Variants in GDPD4 observed in about 807,000 individuals in gnomAD.
GDPD4 encodes glycerophosphodiester phosphodiesterase 6.
Under a neutral mutation model 67.8 loss-of-function variants are expected in GDPD4, and 60 were observed. That is an observed-to-expected ratio of 0.88 (90% CI 0.72 to 1.10). The LOEUF is 1.10. Ranked by LOEUF, GDPD4 falls within the 50% of genes least tolerant of loss-of-function variation. The pLI is 0.00. For missense variants in GDPD4, 623 were observed against 613.9 expected (o/e 1.01, Z -0.16); for synonymous variants, 212 against 210.9 (o/e 1.00, Z -0.04).
rs572965964 is a variant in GDPD4, at chr11:77,216,765, T to C, written c.*512A>G. On this transcript the variant is annotated 3_prime_UTR_variant, in exon 17 of 17. Transcript: ENST00000315938. ...CCTCCGTGGCCCTTCTGTGTGCCTT[T>C]ATCAACCACTCCCCACCATCACCAC... The C allele has an allele frequency of 7.8e-5, 47 of 600,920 alleles. No homozygotes were observed. The South Asian group carries it at 9.2e-4, about 12-fold the overall frequency. 37.2% of individuals were successfully genotyped at this position (600,920 alleles called of 1,614,324 possible).
chr11:77,234,673 G>T (rs138967391), intron 13 of GDPD4, among the ~76,000 whole-genome samples: 366 of 152,222 alleles, frequency 2.4e-3, no homozygotes, highest in African/African-American at 7.8e-3. Flanking sequence ...CAAAGGACAT[G>T]ATTTCATTCT....
At position 77,268,522 on chromosome 11, in the gene GDPD4, G is replaced by A. The variant is rs745311185; in HGVS notation, c.642C>T (p.Thr214=). 3.8e-5 allele frequency: 62 copies of A among 1,612,054 alleles called. No homozygotes were observed. Among genetic ancestry groups the A allele is most frequent in the Admixed American group, 1.0e-4 (6 of 59,978 alleles). ...RGAPMLGPEN[T]MMSFEKAVEH... is the part of the protein sequence containing the mutation. ...CAACAGCTTTCTCAAAGGACATCAT[G>A]GTATTCTCAGGCCCCAACTGTAGAA... is the stretch of plus-strand genomic sequence containing the variant. The change falls in exon 10 of 17, where the codon ACC becomes ACT. Residue 214 remains threonine (T), a synonymous_variant. Coordinates refer to ENST00000315938, the MANE Select transcript of GDPD4 (RefSeq NM_182833.3).
chr11:77,217,517 TCTA>T (rs10597069), intron 16 of GDPD4, among the ~76,000 whole-genome samples: 137,723 of 152,040 alleles, frequency 0.91, 62,690 homozygotes, highest in Non-Finnish European at 0.96. Context: ...GGCTTAAGAG[TCTA>T]CTACTGCATG....
chr11:77,236,225 G>A (rs1958566052), intron 13 of GDPD4, among the ~76,000 whole-genome samples: 1 of 151,126 alleles, frequency 6.6e-6, no homozygotes, highest in Non-Finnish European at 1.5e-5. Flanking sequence ...GGGTACATGT[G>A]CACAACGTGC....
In GDPD4 at chr11:77,243,560, G is replaced by C. The variant is rs374536694; in HGVS notation, c.1241+134C>G. The C allele has an allele frequency of 3.9e-6, 3 of 760,780 alleles. No homozygotes were observed. The African/African-American group carries it at 5.3e-5, about 13-fold the overall frequency. The allele number at this position is 760,780 out of a possible 1,614,324, so 47.1% of individuals were successfully genotyped here. A position where few individuals can be genotyped will look rare whatever the true frequency, so the allele number is the denominator to read the frequency against. On this transcript the variant is annotated intron_variant, in intron 13 of 16. Coordinates refer to ENST00000315938, the MANE Select transcript of GDPD4 (RefSeq NM_182833.3). ...GGGAGGGAGGAAGGGGTAGGAAAAA[G>C]AAAGGAGATTCAAAGGAGATAACCA...
In GDPD4 at chr11:77,229,685, ATC is replaced by A. The variant is rs542883516; in HGVS notation, c.1390-455_1390-454del. On this transcript the variant is annotated intron_variant, in intron 14 of 16. Transcript: ENST00000315938. ...CTCACTAGACACCTAAGGAATGAGA[ATC>A]TCTGCATTTTTAACACATTCCCAGG... 5.9e-3 allele frequency among the ~76,000 whole-genome samples: 898 copies of A among 152,358 alleles called. 12 individuals carry two copies. The highest frequency in any genetic ancestry group is 0.021 in the African/African-American group (863 of 41,576).
intron 1 of GDPD4, among the ~76,000 whole-genome samples, chr11:77,293,663 A>G (rs1937855504): frequency 2.0e-5 from 3 of 152,218 alleles, no homozygotes; most frequent in Admixed American, 2.0e-4. Context: ...AAATAGATAC[A>G]TAAAATACTT....
chr11:77,278,064 C>G (rs1959575097), intron 4 of GDPD4, among the ~76,000 whole-genome samples: 2 of 152,028 alleles, frequency 1.3e-5, no homozygotes, highest in African/African-American at 4.8e-5. Context: ...GTTTCTTAAT[C>G]CTGAGTTCTA....
At chr11:77,250,412 C>T (rs1199106877) in intron 11 of GDPD4, among the ~76,000 whole-genome samples, 1 of 152,172 alleles carries the variant, frequency 6.6e-6, no homozygotes, top group Non-Finnish European at 1.5e-5. Flanking sequence ...CTGCAAAAGA[C>T]AGGATTTCAC....
chr11:77,266,092 G>T (rs903241386), intron 10 of GDPD4, among the ~76,000 whole-genome samples: 4 of 152,014 alleles, frequency 2.6e-5, no homozygotes, highest in Non-Finnish European at 5.9e-5. Context: ...CTAGATTTGG[G>T]CTATTACAAA....
intron 14 of GDPD4, among the ~76,000 whole-genome samples, chr11:77,229,672 C>T (rs562007414): frequency 3.5e-4 from 53 of 152,282 alleles, no homozygotes; most frequent in African/African-American, 1.2e-3. Context: ...CACTAGACAC[C>T]TAAGGAATGA....
intron 11 of GDPD4, among the ~76,000 whole-genome samples, chr11:77,257,598 G>A (rs910496539): frequency 2.5e-5 from 3 of 118,940 alleles, no homozygotes; most frequent in Non-Finnish European, 3.7e-5. Flanking sequence ...CACACACCCT[G>A]TTGCTCCAGG....
chr11:77,233,601 GC>G (rs1958497279), intron 13 of GDPD4, among the ~76,000 whole-genome samples: 1 of 152,068 alleles, frequency 6.6e-6, no homozygotes, highest in South Asian at 2.1e-4. Flanking sequence ...TTAATAACAA[GC>G]TGGTATGAGC....
chr11:77,256,020 G>C (rs1452741947), intron 11 of GDPD4, among the ~76,000 whole-genome samples: 1 of 152,148 alleles, frequency 6.6e-6, no homozygotes, highest in Non-Finnish European at 1.5e-5. Flanking sequence ...CTGCTGACAT[G>C]AGAAACAACT....
At chr11:77,252,076 T>G (rs568085272) in intron 11 of GDPD4, among the ~76,000 whole-genome samples, 272 of 149,286 alleles carry the variant, frequency 1.8e-3, no homozygotes, top group Middle Eastern at 7.0e-3. Context: ...TTTTTTTTTT[T>G]TTTTTGAGAC....
At position 77,216,656 on chromosome 11, in the gene GDPD4, C is replaced by G; in HGVS notation, c.*621G>C. 5 of 484,716 alleles carry G rather than the reference C, an allele frequency of 1.0e-5. No individual in the cohort carries two copies. The highest frequency in any genetic ancestry group is 1.9e-5 in the Non-Finnish European group (5 of 269,954). 30.0% of individuals were successfully genotyped at this position (484,716 alleles called of 1,614,324 possible). On this transcript the variant is annotated 3_prime_UTR_variant, in exon 17 of 17. Transcript: ENST00000315938. Reference sequence around the variant, plus strand: ...AGATAAACCTGACAGCAACCAGTTCCAAGACCACACACAGCAGTTTTCCCC... The same window carrying G: ...AGATAAACCTGACAGCAACCAGTTCGAAGACCACACACAGCAGTTTTCCCC...
At chr11:77,233,329 C>T (rs1958489136) in intron 13 of GDPD4, among the ~76,000 whole-genome samples, 157 bp from the exon 14 acceptor site, 1 of 150,926 alleles carries the variant, frequency 6.6e-6, no homozygotes, top group Non-Finnish European at 1.5e-5. Context: ...AGAATGGGCT[C>T]ATAGTACAAT....
At chr11:77,277,391 CTTTTTTTTT>C (rs71043564) in intron 4 of GDPD4, among the ~76,000 whole-genome samples, 6 of 58,346 alleles carry the variant, frequency 1.0e-4, no homozygotes, top group Middle Eastern at 0.021. Flanking sequence ...GCCATGTTTC[CTTTTTTTTT>C]TTTTTTTTTT....
intron 1 of GDPD4, among the ~76,000 whole-genome samples, chr11:77,300,581 G>A (rs1017377539): frequency 2.6e-5 from 4 of 151,564 alleles, no homozygotes; most frequent in Non-Finnish European, 2.9e-5. Context: ...GGATATAGAC[G>A]ACTGTAAAAG....
Sources: gnomAD v4.1 joint callset for allele counts (sites outside exome capture counted in the v4.1 genomes callset) on GRCh38, gnomAD v4.1.1 for gene constraint, MANE v1.5 for transcripts, NCBI Gene and HGNC (gene_info 2026-07-23, HGNC 2026-07-21) for gene names.